Variants in ZNRF3 observed in about 807,000 individuals in gnomAD.
ZNRF3 encodes the protein zinc and ring finger 3, also known as E3 ubiquitin-protein ligase ZNRF3.
A neutral mutation model predicts 72.5 loss-of-function variants in ZNRF3; 23 were observed. The observed-to-expected ratio is 0.32, with a 90% CI of 0.23 to 0.45. ZNRF3 has a LOEUF of 0.45. Among genes scored for constraint, ZNRF3 ranks in the 20% least tolerant of loss-of-function variants. The probability of loss-of-function intolerance (pLI) is 1.00; values close to 1 mark genes in which losing one functional copy is unlikely to be tolerated. For synonymous variants in ZNRF3, 610 were observed against 545.3 expected (o/e 1.12, Z -1.65); for missense variants, 1,169 against 1,272.1 (o/e 0.92, Z 1.23).
At chr22:28,981,719 G>A (rs115496870) in intron 1 of ZNRF3, among the ~76,000 whole-genome samples, 3,093 of 152,256 alleles carry the variant, frequency 0.02, 117 homozygotes, top group African/African-American at 0.071. Context: ...GAGTTCAGCC[G>A]GGTGCGATGG....
At chr22:28,985,817 A>G (rs2035846361) in intron 1 of ZNRF3, among the ~76,000 whole-genome samples, 1 of 152,264 alleles carries the variant, frequency 6.6e-6, no homozygotes, top group Admixed American at 6.5e-5. Context: ...TTAGTGGCTT[A>G]AAGCAACACA....
chr22:29,013,935 C>G lies in ZNRF3; in HGVS notation c.426+26734C>G, dbSNP rs539667553. Among the ~76,000 whole-genome samples, 42 of 152,340 alleles carry G rather than the reference C, an allele frequency of 2.8e-4. 1 individual carries two copies. In the South Asian group the frequency reaches 8.7e-3, roughly 32 times the overall value. ...GGCGCAATGCTCTAACATAAGCAAC[C>G]ATGGGCCTCACAGAATATTGGTGGT... On this transcript the variant is annotated intron_variant, in intron 2 of 8. Coordinates refer to ENST00000544604, the MANE Select transcript of ZNRF3 (RefSeq NM_001206998.2).
chr22:28,930,288 T>A (rs2034681336), intron 1 of ZNRF3, among the ~76,000 whole-genome samples: 1 of 152,206 alleles, frequency 6.6e-6, no homozygotes, highest in Non-Finnish European at 1.5e-5. Context: ...AGGAGGTGAG[T>A]CTGCATAAAC....
rs183322167 is a variant in ZNRF3, at chr22:29,053,507, C to G, written c.2768-72C>G. 11,828 of 1,512,256 alleles carry G rather than the reference C, an allele frequency of 7.8e-3. 43 individuals carry two copies. Among genetic ancestry groups the G allele is most frequent in the Non-Finnish European group, 8.9e-3 (9,697 of 1,095,324 alleles). 93.7% of individuals were successfully genotyped at this position (1,512,256 alleles called of 1,614,324 possible). On this transcript the variant is annotated intron_variant, in intron 8 of 8. Transcript: ENST00000544604. ...CTGCCACATGCTGGGGACAGGGCCA[C>G]CTGAGTCCCTTGCCTGGTCCCATGT...
intron 2 of ZNRF3, among the ~76,000 whole-genome samples, chr22:29,029,109 A>G (rs987595052): frequency 5.3e-5 from 8 of 152,194 alleles, no homozygotes; most frequent in African/African-American, 1.7e-4. Context: ...CAACCCCCTC[A>G]AAGTGCAGGG....
intron 2 of ZNRF3, among the ~76,000 whole-genome samples, chr22:29,001,069 T>TC (rs909778518): frequency 5.4e-5 from 7 of 129,594 alleles, no homozygotes; most frequent in Non-Finnish European, 1.2e-4. Context: ...CTTTTTTTTT[T>TC]TTTTTTTTTT....
intron 2 of ZNRF3, among the ~76,000 whole-genome samples, chr22:29,015,249 A>G (rs900743350): frequency 2.6e-5 from 4 of 152,258 alleles, no homozygotes; most frequent in African/African-American, 7.2e-5. Context: ...GGATGTATAT[A>G]TAAAACCTTT....
intron 1 of ZNRF3, among the ~76,000 whole-genome samples, chr22:28,921,995 G>T (rs747493917): frequency 1.3e-5 from 2 of 152,116 alleles, no homozygotes; most frequent in Non-Finnish European, 2.9e-5. Context: ...TGAGATGTCT[G>T]GGGGGTGAGA....
intron 1 of ZNRF3, among the ~76,000 whole-genome samples, chr22:28,980,152 G>T (rs1569269104): frequency 6.6e-6 from 1 of 150,510 alleles, no homozygotes; most frequent in East Asian, 2.0e-4. Flanking sequence ...TTACAGATAA[G>T]AAAATCCATA....
intron 1 of ZNRF3, among the ~76,000 whole-genome samples, chr22:28,918,964 C>T (rs376341442): frequency 5.3e-5 from 8 of 152,200 alleles, no homozygotes; most frequent in Non-Finnish European, 1.0e-4. Flanking sequence ...CACTTCTCTA[C>T]TGTAAAGCCT....
intron 2 of ZNRF3, among the ~76,000 whole-genome samples, chr22:29,027,529 G>A (rs572779189): frequency 1.3e-5 from 2 of 152,188 alleles, no homozygotes; most frequent in South Asian, 4.1e-4. Flanking sequence ...GATTACAGGC[G>A]TGAGCCACCA....
intron 2 of ZNRF3, among the ~76,000 whole-genome samples, chr22:28,995,558 G>T (rs895416629): frequency 2.6e-5 from 4 of 152,160 alleles, no homozygotes; most frequent in Non-Finnish European, 1.5e-5. Flanking sequence ...ATCCAGGAAG[G>T]GGGCAGTCAC....
At chr22:29,043,456 G>A in intron 4 of ZNRF3, 26 bp downstream of exon 4, 1 of 1,611,266 alleles carries the variant, frequency 6.2e-7, no homozygotes. Flanking sequence ...ATTTGGCACA[G>A]GCTCGGGGCC....
At position 29,049,830 on chromosome 22, in the gene ZNRF3, ACAG is replaced by A. The variant is rs758686333; in HGVS notation, c.1666_1668del (p.Ser557del). 3.6e-4 allele frequency: 578 copies of A among 1,595,974 alleles called. No homozygotes were observed. Among genetic ancestry groups the A allele is most frequent in the South Asian group, 9.9e-4 (88 of 89,260 alleles). ...TACCTGGCCGACTGCCCAGGCAGCG[ACAG>A]CAGCAGCAGCAGCAGCTCCGGCCAG... is the stretch of plus-strand genomic sequence containing the variant. On this transcript the variant is annotated inframe_deletion, in exon 8 of 9. Transcript: ENST00000544604. The surrounding 1 kb of genome is among the most constrained non-coding windows in gnomAD (Gnocchi z 5.2).
At chr22:28,976,519 A>G (rs2035678030) in intron 1 of ZNRF3, among the ~76,000 whole-genome samples, 1 of 152,194 alleles carries the variant, frequency 6.6e-6, no homozygotes, top group Admixed American at 6.5e-5. Flanking sequence ...TAAAAAATAA[A>G]TTAATATAGC....
chr22:29,042,593 C>T (rs749943448), intron 3 of ZNRF3, 24 bp downstream of exon 3: 8 of 1,609,136 alleles, frequency 5.0e-6, no homozygotes, highest in Non-Finnish European at 6.8e-6. Flanking sequence ...GCCATGCCAA[C>T]ACTGCAGCCT....
At chr22:28,936,711 T>A (rs2034825721) in intron 1 of ZNRF3, among the ~76,000 whole-genome samples, 1 of 152,218 alleles carries the variant, frequency 6.6e-6, no homozygotes. Flanking sequence ...TAGTGATTCT[T>A]TTTTTAAGGT....
chr22:29,042,642 C>G (rs2036986125), intron 3 of ZNRF3, 73 bp downstream of exon 3: 1 of 1,350,134 alleles, frequency 7.4e-7, no homozygotes, highest in Non-Finnish European at 1.0e-6. Flanking sequence ...CTTGGCTTGT[C>G]CCGGTCATGT....
In ZNRF3 at chr22:29,030,459, C is replaced by G. The variant is rs1297073942; in HGVS notation, c.427-12036C>G. Among the ~76,000 whole-genome samples the G allele has an allele frequency of 6.6e-6, 1 of 152,238 alleles. No individual in the cohort carries two copies. Among genetic ancestry groups the G allele is most frequent in the Non-Finnish European group, 1.5e-5 (1 of 68,048 alleles). ...ACCACTAACTTAACCGCTGAATTCT[C>G]GCTGCTACATGTCTCCTAAATAGAT... On this transcript the variant is annotated intron_variant, in intron 2 of 8. Coordinates refer to ENST00000544604, the MANE Select transcript of ZNRF3 (RefSeq NM_001206998.2). The surrounding 1 kb of genome is among the most constrained non-coding windows in gnomAD (Gnocchi z 4.2).
Sources: gnomAD v4.1 joint callset for allele counts (sites outside exome capture counted in the v4.1 genomes callset) on GRCh38, gnomAD v4.1.1 for gene constraint, Gnocchi (gnomAD v3.1) non-coding constraint, MANE v1.5 for transcripts, NCBI Gene and HGNC (gene_info 2026-07-23, HGNC 2026-07-21) for gene names.